The following GPHN variants were observed in gnomAD, a reference collection of about 807,000 sequenced individuals.
The protein encoded by GPHN is gephyrin.
A neutral mutation model predicts 95.5 loss-of-function variants in GPHN; 17 were observed. That is an observed-to-expected ratio of 0.18 (90% CI 0.12 to 0.27). GPHN has a LOEUF of 0.27. GPHN is among the 10% of genes least tolerant of loss of function. GPHN has a pLI of 1.00. For synonymous variants in GPHN, 320 were observed against 322.5 expected (o/e 0.99, Z 0.08); for missense variants, 660 against 978.1 (o/e 0.67, Z 4.34).
At chr14:67,606,707 C>T in the GPHN span, among the ~76,000 whole-genome samples, 2 of 152,066 alleles carry the variant, frequency 1.3e-5, no homozygotes, top group Non-Finnish European at 2.9e-5. Flanking sequence ...AGTGCAGTGG[C>T]GTGATCTCAG....
At chr14:67,686,284 AC>A in the GPHN span, 3 of 152,214 alleles carry the variant, frequency 2.0e-5, no homozygotes, top group African/African-American at 7.2e-5. Context: ...CATAATACTT[AC>A]AACCTCACAG....
At chr14:66,694,036 T>C (rs746052068) in intron 2 of GPHN, among the ~76,000 whole-genome samples, 5 of 152,088 alleles carry the variant, frequency 3.3e-5, no homozygotes, top group Non-Finnish European at 4.4e-5. Context: ...AGCCCAGAAA[T>C]AGACCCATAT....
At chr14:67,526,834 G>A in the GPHN span, among the ~76,000 whole-genome samples, 2 of 152,198 alleles carry the variant, frequency 1.3e-5, no homozygotes, top group East Asian at 3.9e-4. Flanking sequence ...CTGAGGGCAG[G>A]TTTGTCATCA....
chr14:66,594,728 T>C (rs539079975), intron 1 of GPHN, among the ~76,000 whole-genome samples: 15 of 152,254 alleles, frequency 9.9e-5, no homozygotes, highest in Non-Finnish European at 5.9e-5. Context: ...AAATAAATCA[T>C]AGGAGAAAAG....
intron 1 of GPHN, among the ~76,000 whole-genome samples, chr14:66,679,807 T>G (rs956688619): frequency 1.3e-5 from 2 of 152,234 alleles, no homozygotes; most frequent in Admixed American, 1.3e-4. Flanking sequence ...TTTCATTCTT[T>G]GTTGAAGTTT....
intron 1 of GPHN, among the ~76,000 whole-genome samples, chr14:66,629,189 ATATG>A (rs1447636285): frequency 1.4e-5 from 2 of 142,474 alleles, no homozygotes; most frequent in Non-Finnish European, 3.1e-5. Context: ...ACATATATAA[ATATG>A]TATATAAATA....
intron 5 of GPHN, among the ~76,000 whole-genome samples, chr14:66,912,725 C>T (rs535168091): frequency 6.6e-6 from 1 of 152,092 alleles, no homozygotes; most frequent in Non-Finnish European, 1.5e-5. Context: ...GAATTCATGA[C>T]TTCTACTGTC....
chr14:66,783,542 ACCTTT>A (rs1201787598), intron 3 of GPHN, among the ~76,000 whole-genome samples: 17 of 152,008 alleles, frequency 1.1e-4, no homozygotes, highest in Admixed American at 4.6e-4. Flanking sequence ...CCACTATTTC[ACCTTT>A]CCTTTCCCAC....
chr14:66,581,406 C>A (rs1044053328), intron 1 of GPHN, among the ~76,000 whole-genome samples: 1 of 151,734 alleles, frequency 6.6e-6, no homozygotes, highest in Non-Finnish European at 1.5e-5. Flanking sequence ...ATGCTAGATA[C>A]ACTTAAGATA....
chr14:66,908,394 A>G (rs1384458685), intron 5 of GPHN, among the ~76,000 whole-genome samples: 1 of 152,178 alleles, frequency 6.6e-6, no homozygotes, highest in Admixed American at 6.6e-5. Context: ...AGCAACAAGC[A>G]GTATCTTATT....
At chr14:66,804,240 C>A (rs140603842) in intron 3 of GPHN, among the ~76,000 whole-genome samples, 132 of 152,250 alleles carry the variant, frequency 8.7e-4, no homozygotes, top group African/African-American at 3.2e-3. Flanking sequence ...TTTCCATTCC[C>A]TCAGTCATGA....
chr14:66,703,646 A>G (rs1395784202), intron 2 of GPHN, among the ~76,000 whole-genome samples: 1 of 90,384 alleles, frequency 1.1e-5, no homozygotes, highest in Non-Finnish European at 1.8e-5. Flanking sequence ...AGCACTAAAT[A>G]CGGAAAGGAA....
the GPHN span, among the ~76,000 whole-genome samples, chr14:67,379,330 T>G: frequency 6.6e-6 from 1 of 152,246 alleles, no homozygotes; most frequent in South Asian, 2.1e-4. Flanking sequence ...TTCTCCTTTT[T>G]CTAGTCTAAT....
At chr14:66,887,535 A>G (rs1446890544) in intron 5 of GPHN, among the ~76,000 whole-genome samples, 1 of 152,188 alleles carries the variant, frequency 6.6e-6, no homozygotes, top group Non-Finnish European at 1.5e-5. Flanking sequence ...AGATCGTGCC[A>G]CTGCACTCCA....
intron 4 of GPHN, among the ~76,000 whole-genome samples, chr14:66,861,273 G>T (rs1276992997): frequency 6.6e-6 from 1 of 151,986 alleles, no homozygotes; most frequent in South Asian, 2.1e-4. Flanking sequence ...TGTAAGAAGA[G>T]ACAAAGTCAT....
At chr14:67,143,689 G>A (rs547953062) in intron 18 of GPHN, among the ~76,000 whole-genome samples, 2 of 152,242 alleles carry the variant, frequency 1.3e-5, no homozygotes, top group South Asian at 4.1e-4. Context: ...TGCTATTCCT[G>A]TGGAAACTTC....
At chr14:66,972,396 A>T (rs568843666) in intron 9 of GPHN, among the ~76,000 whole-genome samples, 4 of 152,032 alleles carry the variant, frequency 2.6e-5, no homozygotes, top group African/African-American at 9.7e-5. Context: ...TATACCAAAC[A>T]TCTAAGTCTG....
the GPHN span, chr14:67,343,383 G>GCATTTACA: frequency 6.2e-7 from 1 of 1,611,606 alleles, no homozygotes; most frequent in Non-Finnish European, 8.5e-7. Flanking sequence ...ATGTTCAATG[G>GCATTTACA]CATTTACACG....
the GPHN span, chr14:67,650,722 A>T: frequency 1.9e-4 from 309 of 1,613,834 alleles, 1 homozygote; most frequent in Non-Finnish European, 2.5e-4. Flanking sequence ...CAGGGTTGCT[A>T]TCAGCACTGG....
Sources: gnomAD v4.1 joint callset for allele counts (sites outside exome capture counted in the v4.1 genomes callset) on GRCh38, gnomAD v4.1.1 for gene constraint, MANE v1.5 for transcripts, NCBI Gene and HGNC (gene_info 2026-07-23, HGNC 2026-07-21) for gene names.